The following RBFOX1 variants were observed in gnomAD, a reference collection of about 807,000 sequenced individuals.
RBFOX1 encodes RNA binding fox-1 homolog 1, also known as RNA binding protein fox-1 homolog 1.
In RBFOX1, 8 loss-of-function variants were observed where a neutral mutation model predicts 57.7. That is an observed-to-expected ratio of 0.14 (90% CI 0.08 to 0.25). RBFOX1 has a LOEUF of 0.25. Among genes scored for constraint, RBFOX1 ranks in the 10% least tolerant of loss-of-function variants. The pLI, the probability that RBFOX1 is intolerant of heterozygous loss-of-function variation, is 1.00. For missense variants in RBFOX1, 611 were observed against 548.5 expected (o/e 1.11, Z -1.14); for synonymous variants, 326 against 222.4 (o/e 1.47, Z -4.15).
At chr16:5,728,263 A>G (rs2052229295) in intron 3 of RBFOX1, among the ~76,000 whole-genome samples, 1 of 152,106 alleles carries the variant, frequency 6.6e-6, no homozygotes, top group Admixed American at 6.5e-5. Context: ...CACATAGTGG[A>G]ATACTATTTA....
intron 3 of RBFOX1, among the ~76,000 whole-genome samples, chr16:5,760,360 T>TCACA (rs61662533): frequency 0.021 from 3,195 of 150,828 alleles, 117 homozygotes; most frequent in African/African-American, 0.072. Flanking sequence ...CTCAGCAATT[T>TCACA]CACACACACA....
intron 4 of RBFOX1, among the ~76,000 whole-genome samples, chr16:7,342,667 C>T (rs1361970266): frequency 6.6e-6 from 1 of 152,144 alleles, no homozygotes; most frequent in Non-Finnish European, 1.5e-5. Context: ...GTGGACAGTG[C>T]AGAGATACAA....
chr16:5,719,437 C>A (rs191355501), intron 3 of RBFOX1, among the ~76,000 whole-genome samples: 126 of 151,552 alleles, frequency 8.3e-4, no homozygotes, highest in African/African-American at 2.9e-3. Flanking sequence ...GTCTCAATCT[C>A]CTGAGCTCGC....
At chr16:7,707,889 C>CACAGGAATCTATTCCA (rs2083007791) in intron 14 of RBFOX1, among the ~76,000 whole-genome samples, 2 of 152,276 alleles carry the variant, frequency 1.3e-5, no homozygotes, top group African/African-American at 4.8e-5. Context: ...AAGTCACTTG[C>CACAGGAATCTATTCCA]ACAGGAATCT....
chr16:7,514,782 A>G (rs966574975), intron 4 of RBFOX1, among the ~76,000 whole-genome samples: 1 of 152,168 alleles, frequency 6.6e-6, no homozygotes, highest in Admixed American at 6.5e-5. Context: ...TCTCTTCAAT[A>G]CAGAGATAGC....
chr16:7,417,839 G>A (rs1015357923), intron 4 of RBFOX1, among the ~76,000 whole-genome samples: 3 of 152,186 alleles, frequency 2.0e-5, no homozygotes, highest in Admixed American at 1.3e-4. Context: ...GAGCTTGATT[G>A]TCTACTTCAC....
rs912659221 is a variant in RBFOX1, at chr16:6,871,319, G to C, written c.-15-180738G>C. Among the ~76,000 whole-genome samples, 4 of 152,126 alleles carry C rather than the reference G, an allele frequency of 2.6e-5. No homozygotes were observed. In the South Asian group the frequency reaches 8.3e-4, roughly 32 times the overall value. The stretch of plus-strand genomic sequence containing the variant: ...TCCTGCATCAACTTCCTGAGTAGCT[G>C]GGATTACAGGCATGTGCCATCACGC... On this transcript the variant is annotated intron_variant, in intron 3 of 15. Coordinates refer to ENST00000550418, the MANE Select transcript of RBFOX1 (RefSeq NM_018723.4).
intron 4 of RBFOX1, among the ~76,000 whole-genome samples, chr16:7,361,274 C>T (rs566302768): frequency 4.6e-5 from 7 of 152,212 alleles, no homozygotes; most frequent in East Asian, 1.9e-4. Context: ...CATTCCGTCT[C>T]GCTGGGCCTG....
intron 1 of RBFOX1, among the ~76,000 whole-genome samples, chr16:5,376,580 C>T (rs1271239964): frequency 6.6e-6 from 1 of 152,098 alleles, no homozygotes; most frequent in African/African-American, 2.4e-5. Context: ...TGCACACAAG[C>T]AGTGTTGCCG....
chr16:5,300,594 A>C (rs1434723434), intron 1 of RBFOX1, among the ~76,000 whole-genome samples: 1 of 152,176 alleles, frequency 6.6e-6, no homozygotes, highest in African/African-American at 2.4e-5. Flanking sequence ...TTTATTTTTT[A>C]AAGATTTGAT....
At chr16:6,598,737 G>T (rs9925670) in intron 2 of RBFOX1, among the ~76,000 whole-genome samples, 6,021 of 152,108 alleles carry the variant, frequency 0.04, 414 homozygotes, top group African/African-American at 0.14. Context: ...CACGAGGTTG[G>T]GAGTTCGAGA....
chr16:7,259,493 A>T (rs570208917), intron 4 of RBFOX1, among the ~76,000 whole-genome samples: 1 of 152,262 alleles, frequency 6.6e-6, no homozygotes, highest in Admixed American at 6.5e-5. Context: ...GGTGATACAA[A>T]TACTGCTTTG....
chr16:5,755,201 G>A (rs908162824), intron 3 of RBFOX1, among the ~76,000 whole-genome samples: 2 of 133,030 alleles, frequency 1.5e-5, no homozygotes, highest in South Asian at 2.8e-4. Context: ...CACAGCACAC[G>A]TTTCAGAGAG....
At chr16:6,455,674 C>A (rs1347196981) in intron 2 of RBFOX1, among the ~76,000 whole-genome samples, 1 of 152,148 alleles carries the variant, frequency 6.6e-6, no homozygotes, top group Non-Finnish European at 1.5e-5. Context: ...TATATGACGA[C>A]TTTTTAATCA....
intron 4 of RBFOX1, among the ~76,000 whole-genome samples, chr16:7,309,427 A>T (rs1175361587): frequency 3.3e-5 from 5 of 152,206 alleles, no homozygotes. Context: ...GTTCATCCAC[A>T]GACCAAAGCC....
chr16:6,595,280 C>G (rs1231467154), intron 2 of RBFOX1, among the ~76,000 whole-genome samples: 1 of 152,204 alleles, frequency 6.6e-6, no homozygotes, highest in African/African-American at 2.4e-5. Context: ...TTTACCTATT[C>G]TGGGTATGTC....
At chr16:6,065,275 TC>T (rs1395329846) in intron 1 of RBFOX1, among the ~76,000 whole-genome samples, 1 of 149,272 alleles carries the variant, frequency 6.7e-6, no homozygotes, top group African/African-American at 2.5e-5. Context: ...TCTCAAGCAA[TC>T]CTCCCATCTT....
chr16:6,235,749 A>T (rs1045398688), intron 1 of RBFOX1, among the ~76,000 whole-genome samples: 54 of 152,094 alleles, frequency 3.6e-4, no homozygotes, highest in African/African-American at 1.3e-3. Flanking sequence ...AAGTGAAGTA[A>T]CTCAGGAATG....
intron 3 of RBFOX1, among the ~76,000 whole-genome samples, chr16:6,865,618 T>C (rs2142930684): frequency 6.6e-6 from 1 of 152,346 alleles, no homozygotes; most frequent in East Asian, 1.9e-4. Context: ...TTTAATAAGA[T>C]ACTATGGACT....
Sources: allele counts gnomAD v4.1 joint callset (sites outside exome capture counted in the v4.1 genomes callset), GRCh38; gene constraint gnomAD v4.1.1; transcripts MANE v1.5; gene names NCBI Gene and HGNC (gene_info 2026-07-23, HGNC 2026-07-21).